RRP12: variants seen among roughly 807,000 people sequenced by gnomAD.
RRP12 encodes ribosomal RNA processing 12 homolog.
Under a neutral mutation model 157.3 loss-of-function variants are expected in RRP12, and 78 were observed. That is an observed-to-expected ratio of 0.50 (90% CI 0.41 to 0.60). The LOEUF (loss-of-function observed/expected upper bound fraction) is 0.60, where lower values mean the gene tolerates loss of function less well. Among genes scored for constraint, RRP12 ranks in the 20% least tolerant of loss-of-function variants. The pLI is 0.00. For missense variants in RRP12, 1,521 were observed against 1,679.9 expected (o/e 0.91, Z 1.65); for synonymous variants, 726 against 670.9 (o/e 1.08, Z -1.27).
rs377482080 is a variant in RRP12 at position 97,366,426 on chromosome 10, C to T, written c.3391+20G>A. 6 of 1,586,934 alleles carry T rather than the reference C, an allele frequency of 3.8e-6. No individual in the cohort carries two copies. Among genetic ancestry groups the T allele is most frequent in the Non-Finnish European group, 4.3e-6 (5 of 1,165,402 alleles). On this transcript the variant is annotated intron_variant, in intron 28 of 33. Transcript: ENST00000370992. ...ATGGCAAGTCTGTTTTCTGAGTGCA[C>T]TGGCCAGCCCTGTGCTTACCCAGGA...
At position 97,366,100 on chromosome 10, in the gene RRP12, G is replaced by A; in HGVS notation, c.3517+8C>T. Reference sequence around the variant, plus strand: ...CGGTGAATGAATGGACAAGCGCGTTGGGCCCACCTTTGGCACCTTCCTCTT... The same window carrying A: ...CGGTGAATGAATGGACAAGCGCGTTAGGCCCACCTTTGGCACCTTCCTCTT... On this transcript the variant is annotated splice_region_variant and intron_variant, in intron 29 of 33. Transcript: ENST00000370992. The A allele has an allele frequency of 6.2e-7, 1 of 1,601,828 alleles. No homozygotes were observed. The highest frequency in any genetic ancestry group is 1.3e-5 in the African/African-American group (1 of 74,888).
chr10:97,388,988 T>C (rs1844719775), intron 6 of RRP12, among the ~76,000 whole-genome samples: 1 of 152,182 alleles, frequency 6.6e-6, no homozygotes, highest in Admixed American at 6.5e-5. Flanking sequence ...CCTGGCAAAC[T>C]GGCACTGAAC....
chr10:97,358,741 C>T (rs1843773244), intron 32 of RRP12, 122 bp from the exon 33 acceptor site: 1 of 870,278 alleles, frequency 1.1e-6, no homozygotes, highest in East Asian at 2.4e-5. Flanking sequence ...CAAAGAGCTC[C>T]TGTATCCTTG....
At chr10:97,375,413 G>C (rs1366310569) in intron 15 of RRP12, among the ~76,000 whole-genome samples, 1 of 152,030 alleles carries the variant, frequency 6.6e-6, no homozygotes, top group East Asian at 1.9e-4. Context: ...CAAAAGTAGG[G>C]CTTTACCATA....
At position 97,370,386 on chromosome 10, in the gene RRP12, T is replaced by C. The variant is rs1844109791; in HGVS notation, c.2689+69A>G. 3 of 1,395,158 alleles carry C rather than the reference T, an allele frequency of 2.2e-6. No individual in the cohort carries two copies. The African/African-American group carries it at 4.3e-5, about 20-fold the overall frequency. 86.4% of individuals were successfully genotyped at this position (1,395,158 alleles called of 1,614,324 possible). A position where few individuals can be genotyped will look rare whatever the true frequency, so the allele number is the denominator to read the frequency against. ...CCAGGGCACAGAGCTCTCCCCACCTTTTTTGAGGGGTGCTTCCCCCCACCC... is the reference window on the plus strand; with the variant it reads ...CCAGGGCACAGAGCTCTCCCCACCTCTTTTGAGGGGTGCTTCCCCCCACCC... On this transcript the variant is annotated intron_variant, in intron 23 of 33. Coordinates refer to ENST00000370992, the MANE Select transcript of RRP12 (RefSeq NM_015179.4).
chr10:97,380,949 C>T, intron 12 of RRP12, 36 bp from the exon 13 acceptor site: 1 of 1,506,270 alleles, frequency 6.6e-7, no homozygotes, highest in Non-Finnish European at 9.2e-7. Context: ...GCCACGGTCA[C>T]ACCACCCTGT....
rs1397948417 is a variant in RRP12 at position 97,398,155 on chromosome 10, C to T, written c.370-1854G>A. ...CTGCAAGCTCCGCTTCCCGGGTTCA[C>T]GCCATTCTCCTGCCTCAGCCTCCCG... On this transcript the variant is annotated intron_variant, in intron 2 of 33. Transcript: ENST00000370992. Among the ~76,000 whole-genome samples, 3 of 90,982 alleles carry T rather than the reference C, an allele frequency of 3.3e-5. 1 individual carries two copies. The highest frequency in any genetic ancestry group is 6.2e-5 in the Non-Finnish European group (3 of 48,616). 59.7% of individuals were successfully genotyped at this position (90,982 alleles called of 152,430 possible).
chr10:97,360,677 A>T (rs771068388), intron 30 of RRP12, 59 bp from the exon 31 acceptor site: 22 of 1,278,624 alleles, frequency 1.7e-5, no homozygotes, highest in Non-Finnish European at 2.5e-5. Context: ...ACCCTCGGGA[A>T]TGCCAACAGT....
chr10:97,391,573 AAAAT>A (rs758460233), intron 4 of RRP12, among the ~76,000 whole-genome samples: 3 of 152,038 alleles, frequency 2.0e-5, no homozygotes, highest in East Asian at 1.9e-4. Context: ...CTCTGTCTCA[AAAAT>A]AAATAAATAA....
Position 97,370,183 on chromosome 10 carries a change from G to C in RRP12, c.2781C>G (p.Leu927=), listed in dbSNP as rs78486098. The C allele has an allele frequency of 4.6e-4, 731 of 1,603,444 alleles. 5 individuals carry two copies. The African/African-American group carries it at 8.7e-3, about 19-fold the overall frequency. The part of the protein sequence containing the change: ...VSCSILALTH[L]LFEFKGLMGT... ...AGCATTTACCTTTAAACTCGAAAAG[G>C]AGGTGGGTCAGGGCCAGGATGCTGC... Residue 927 remains leucine, a synonymous_variant, in exon 24 of 34, where the codon CTC becomes CTG. Transcript: ENST00000370992.
At chr10:97,373,979 T>G in intron 15 of RRP12, 85 bp from the exon 16 acceptor site, 1 of 1,119,124 alleles carries the variant, frequency 8.9e-7, no homozygotes, top group Non-Finnish European at 1.3e-6. Flanking sequence ...AAAAGCCCAA[T>G]GATGAGGACA....
chr10:97,373,025 T>C, intron 18 of RRP12, 21 bp downstream of exon 18: 1 of 1,597,086 alleles, frequency 6.3e-7, no homozygotes, highest in African/African-American at 1.3e-5. Flanking sequence ...CCTCCCTCCT[T>C]CCCTCCCTTC....
At chr10:97,400,750 C>T (rs1199304379) in intron 1 of RRP12, among the ~76,000 whole-genome samples, 1 of 152,110 alleles carries the variant, frequency 6.6e-6, no homozygotes, top group African/African-American at 2.4e-5. Context: ...CCTGTAGCAG[C>T]GGCATAAACG....
intron 31 of RRP12, among the ~76,000 whole-genome samples, chr10:97,359,537 C>T (rs1288826899): frequency 2.0e-5 from 3 of 152,182 alleles, no homozygotes; most frequent in Admixed American, 2.0e-4. Flanking sequence ...AGATCCTTGC[C>T]CAAGGTCAGC....
chr10:97,388,521 T>C lies in RRP12; in HGVS notation c.857A>G (p.Lys286Arg). 6.2e-7 allele frequency: 1 copy of C among 1,614,186 alleles called. No homozygotes were observed. Among genetic ancestry groups the C allele is most frequent in the Non-Finnish European group, 8.5e-7 (1 of 1,180,034 alleles). ...AHHPAAISTA[K>R]FCIQEIEKSG... ...CTTCTCAATCTCCTGGATGCAGAAC[T>C]TGGCAGTGGAAATGGCAGCAGGATG... The change falls in exon 7 of 34, where the codon AAG becomes AGG. Residue 286 changes from lysine (K) to arginine (R), a missense_variant. Physicochemically the swap from Lys to Arg is conservative, Grantham distance 26. Transcript: ENST00000370992.
At chr10:97,381,294 C>T in intron 12 of RRP12, 92 bp downstream of exon 12, 1 of 933,128 alleles carries the variant, frequency 1.1e-6, no homozygotes, top group Non-Finnish European at 1.6e-6. Context: ...GCAGGCCTGG[C>T]CCACAGTAGG....
intron 27 of RRP12, 24 bp downstream of exon 27, chr10:97,366,718 C>G (rs201046937): frequency 1.0e-5 from 16 of 1,606,588 alleles, no homozygotes; most frequent in Middle Eastern, 1.7e-4. Context: ...GACACCGGGT[C>G]CCATGGCCCT....
intron 4 of RRP12, chr10:97,393,443 T>C (rs1589439858): frequency 4.6e-6 from 3 of 654,338 alleles, no homozygotes; most frequent in Non-Finnish European, 8.5e-6. Flanking sequence ...CCCAACCTTC[T>C]TGGCATAAAG....
chr10:97,362,365 C>T (rs540342152), intron 30 of RRP12, among the ~76,000 whole-genome samples: 1 of 152,190 alleles, frequency 6.6e-6, no homozygotes, highest in South Asian at 2.1e-4. Context: ...CTTAAGGAAC[C>T]CAGGAGGCTT....
Sources: allele counts gnomAD v4.1 joint callset (sites outside exome capture counted in the v4.1 genomes callset), GRCh38; gene constraint gnomAD v4.1.1; transcripts MANE v1.5; gene names NCBI Gene and HGNC (gene_info 2026-07-23, HGNC 2026-07-21).